Variants in NCAM2 observed in about 807,000 individuals in gnomAD.
NCAM2 encodes N-CAM-2.
In NCAM2, 30 loss-of-function variants were observed where a neutral mutation model predicts 98.1. The ratio of observed to expected loss-of-function variants is 0.31; its 90% CI spans 0.23 to 0.41. NCAM2 has a LOEUF of 0.41. Among genes scored for constraint, NCAM2 ranks in the 10% least tolerant of loss-of-function variants. The probability of loss-of-function intolerance (pLI) is 1.00; values close to 1 mark genes in which losing one functional copy is unlikely to be tolerated. For synonymous variants in NCAM2, 368 were observed against 342.4 expected (o/e 1.07, Z -0.83); for missense variants, 867 against 1,005.8 (o/e 0.86, Z 1.87).
At chr21:21,200,227 T>C (rs2069158996) in intron 1 of NCAM2, among the ~76,000 whole-genome samples, 1 of 151,930 alleles carries the variant, frequency 6.6e-6, no homozygotes, top group African/African-American at 2.4e-5. Context: ...AAAGAATAGA[T>C]AGAAATGCAC....
Position 21,344,727 on chromosome 21 carries a change from A to G in NCAM2, c.1044+6193A>G, listed in dbSNP as rs151192381. Among the ~76,000 whole-genome samples, 515 of 152,326 alleles carry G rather than the reference A, an allele frequency of 3.4e-3. 4 individuals carry two copies. The highest frequency in any genetic ancestry group is 0.012 in the African/African-American group (492 of 41,578). On this transcript the variant is annotated intron_variant, in intron 8 of 17. Transcript: ENST00000400546. ...CTTGCTTCCCTGAAGGGAAGGATGC[A>G]GGCCTGACTGGCTTTGCCTCCTGCT...
chr21:21,090,145 G>C (rs1184998893), intron 1 of NCAM2, among the ~76,000 whole-genome samples: 1 of 152,314 alleles, frequency 6.6e-6, no homozygotes, highest in East Asian at 1.9e-4. Context: ...CACTGAATCA[G>C]AATCAGCCTT....
chr21:21,538,654 A>C lies in NCAM2; in HGVS notation c.*697A>C, dbSNP rs1001019475. The C allele has an allele frequency of 6.6e-6, 1 of 152,142 alleles. No homozygotes were observed. The allele number at this position is 152,142 out of a possible 1,614,324, so 9.4% of individuals were successfully genotyped here. A position where few individuals can be genotyped will look rare whatever the true frequency, so the allele number is the denominator to read the frequency against. ...GATTAGAAAGACTTTCTAAATCTCT[A>C]TCTCTTTATATATGTCCTATTCATT... On this transcript the variant is annotated 3_prime_UTR_variant, in exon 18 of 18. Transcript: ENST00000400546.
chr21:21,381,645 C>A (rs918144786), intron 9 of NCAM2, among the ~76,000 whole-genome samples: 7 of 152,056 alleles, frequency 4.6e-5, no homozygotes, highest in Non-Finnish European at 1.0e-4. Flanking sequence ...CATTTGGATT[C>A]CTTACACACA....
intron 1 of NCAM2, among the ~76,000 whole-genome samples, chr21:21,023,051 G>A (rs1320668792): frequency 6.6e-6 from 1 of 152,116 alleles, no homozygotes; most frequent in East Asian, 1.9e-4. Context: ...ATATACAACA[G>A]TAAGCTTTAT....
At chr21:21,484,406 T>C in intron 15 of NCAM2, among the ~76,000 whole-genome samples, 1 of 152,138 alleles carries the variant, frequency 6.6e-6, no homozygotes, top group South Asian at 2.1e-4. Flanking sequence ...TTTATTTTCT[T>C]AATTATTTCA....
At chr21:21,338,896 G>A (rs928615514) in intron 8 of NCAM2, among the ~76,000 whole-genome samples, 1 of 152,094 alleles carries the variant, frequency 6.6e-6, no homozygotes, top group African/African-American at 2.4e-5. Flanking sequence ...TGAGAAAAGT[G>A]CTAGGACAAA....
At chr21:21,522,290 T>C (rs1173588848) in intron 16 of NCAM2, among the ~76,000 whole-genome samples, 1 of 149,018 alleles carries the variant, frequency 6.7e-6, no homozygotes, top group Non-Finnish European at 1.5e-5. Context: ...TATATATGAA[T>C]GAATGATATA....
intron 1 of NCAM2, among the ~76,000 whole-genome samples, chr21:21,215,675 C>T (rs931329641): frequency 6.6e-6 from 1 of 152,030 alleles, no homozygotes; most frequent in Non-Finnish European, 1.5e-5. Flanking sequence ...TTGCAGTGAG[C>T]CAAGATCATG....
At chr21:21,235,096 C>CT (rs2070766528) in intron 1 of NCAM2, among the ~76,000 whole-genome samples, 1 of 151,510 alleles carries the variant, frequency 6.6e-6, no homozygotes, top group South Asian at 2.1e-4. Flanking sequence ...ATTTAAGCAC[C>CT]TTTTTTCTTA....
chr21:21,073,106 C>T (rs1228875159), intron 1 of NCAM2, among the ~76,000 whole-genome samples: 1 of 152,024 alleles, frequency 6.6e-6, no homozygotes, highest in African/African-American at 2.4e-5. Flanking sequence ...TTTCACTTAG[C>T]CTAATGACTT....
chr21:21,512,287 G>A (rs1045960061), intron 16 of NCAM2, among the ~76,000 whole-genome samples: 1 of 151,976 alleles, frequency 6.6e-6, no homozygotes, highest in Admixed American at 6.6e-5. Context: ...AGAGATAGGG[G>A]TCTACATTCA....
chr21:21,252,608 G>C (rs1024698134), intron 1 of NCAM2, among the ~76,000 whole-genome samples: 1 of 152,024 alleles, frequency 6.6e-6, no homozygotes, highest in East Asian at 1.9e-4. Flanking sequence ...GCTGTAAACA[G>C]TAATGCAGTT....
chr21:21,308,002 T>A (rs1283341576), intron 5 of NCAM2, among the ~76,000 whole-genome samples: 2 of 151,908 alleles, frequency 1.3e-5, no homozygotes, highest in Admixed American at 1.3e-4. Context: ...TGGCCAGGTG[T>A]TAGGGCATTG....
At chr21:21,037,012 T>A (rs1344972154) in intron 1 of NCAM2, among the ~76,000 whole-genome samples, 5 of 152,162 alleles carry the variant, frequency 3.3e-5, no homozygotes. Context: ...TAGCAATAGA[T>A]GTCAAGTACC....
At chr21:21,081,890 A>G (rs1304186794) in intron 1 of NCAM2, among the ~76,000 whole-genome samples, 1 of 152,112 alleles carries the variant, frequency 6.6e-6, no homozygotes, top group South Asian at 2.1e-4. Flanking sequence ...ATTGATTGCA[A>G]TAAGTATAGA....
intron 16 of NCAM2, among the ~76,000 whole-genome samples, chr21:21,516,123 C>T (rs913183852): frequency 6.6e-6 from 1 of 152,058 alleles, no homozygotes; most frequent in African/African-American, 2.4e-5. Flanking sequence ...CAAAAGGCAT[C>T]CTACCCTTGC....
chr21:21,469,601 G>C (rs555342986), intron 14 of NCAM2, among the ~76,000 whole-genome samples: 3 of 151,690 alleles, frequency 2.0e-5, no homozygotes, highest in Admixed American at 1.3e-4. Context: ...TTATATTTTA[G>C]CAGATCATGT....
chr21:21,382,268 T>G (rs1273536900), intron 9 of NCAM2, among the ~76,000 whole-genome samples: 2 of 152,198 alleles, frequency 1.3e-5, no homozygotes, highest in East Asian at 3.9e-4. Context: ...TTCTGGCCAC[T>G]ATTTCTGCAA....
Sources: allele counts gnomAD v4.1 joint callset (sites outside exome capture counted in the v4.1 genomes callset), GRCh38; gene constraint gnomAD v4.1.1; transcripts MANE v1.5; gene names NCBI Gene and HGNC (gene_info 2026-07-23, HGNC 2026-07-21).